The following CCDC175 variants were observed in gnomAD, a reference collection of about 807,000 sequenced individuals.
CCDC175 encodes coiled-coil domain-containing protein 175.
CCDC175 carries 100 observed loss-of-function variants against 114.6 expected under a neutral mutation model. That is an observed-to-expected ratio of 0.87 (90% CI 0.74 to 1.03). The LOEUF (loss-of-function observed/expected upper bound fraction) is 1.03, where lower values mean the gene tolerates loss of function less well. Ranked by LOEUF, CCDC175 falls within the 50% of genes least tolerant of loss-of-function variation. CCDC175 has a pLI of 0.00. For missense variants in CCDC175, 880 were observed against 917.8 expected, an observed-to-expected ratio of 0.96 and a Z score of 0.53; for synonymous variants, 306 against 308.7, an observed-to-expected ratio of 0.99 and a Z score of 0.09.
At chr14:59,537,810 G>A (rs1595023962) in intron 13 of CCDC175, among the ~76,000 whole-genome samples, 1 of 152,136 alleles carries the variant, frequency 6.6e-6, no homozygotes, top group African/African-American at 2.4e-5. Context: ...ATAATTTGAA[G>A]TGTGATTATT....
chr14:59,541,752 A>T lies in CCDC175; in HGVS notation c.1284-1006T>A, dbSNP rs181610340. Among the ~76,000 whole-genome samples, 25 of 152,312 alleles carry T rather than the reference A, an allele frequency of 1.6e-4. No individual in the cohort carries two copies. The East Asian group carries it at 3.7e-3, about 22-fold the overall frequency. ...CAACAATAATATAAAAAAATCCTAAATGGATAATAACATTGGGCCACAAAT... is the reference window on the plus strand; with the variant it reads ...CAACAATAATATAAAAAAATCCTAATTGGATAATAACATTGGGCCACAAAT... On this transcript the variant is annotated intron_variant, in intron 10 of 19. Transcript: ENST00000537690.
intron 14 of CCDC175, among the ~76,000 whole-genome samples, chr14:59,527,691 A>G (rs532030800): frequency 1.3e-5 from 2 of 151,604 alleles, no homozygotes; most frequent in South Asian, 4.2e-4. Flanking sequence ...TCAGTGTTTC[A>G]TGTACATATA....
intron 14 of CCDC175, among the ~76,000 whole-genome samples, chr14:59,530,402 C>CAG (rs201889651): frequency 5.8e-5 from 7 of 120,104 alleles, no homozygotes; most frequent in African/African-American, 2.3e-4. Flanking sequence ...AAGAAAGAGA[C>CAG]AGAGAGAGAG....
At chr14:59,517,085 C>T (rs996721052) in intron 17 of CCDC175, among the ~76,000 whole-genome samples, 5 of 152,108 alleles carry the variant, frequency 3.3e-5, no homozygotes, top group East Asian at 1.9e-4. Context: ...ATTATCTCAA[C>T]AGATGCAGAA....
At chr14:59,545,878 T>C (rs1895078088) in intron 8 of CCDC175, among the ~76,000 whole-genome samples, 1 of 152,166 alleles carries the variant, frequency 6.6e-6, no homozygotes, top group African/African-American at 2.4e-5. Context: ...AAAATATTTG[T>C]AGAAGTGTTG....
At chr14:59,505,419 T>C in intron 19 of CCDC175, 104 bp from the exon 20 acceptor site, 3 of 525,208 alleles carry the variant, frequency 5.7e-6, no homozygotes, top group Non-Finnish European at 9.5e-6. Context: ...AATCCTCAAT[T>C]GAGTAATTGT....
At position 59,574,993 on chromosome 14, in the gene CCDC175, C is replaced by T. The variant is rs1487486061; in HGVS notation, c.193G>A (p.Glu65Lys). Residue 65 changes from glutamate (E) to lysine (K), a missense_variant, in exon 2 of 20, where the codon GAA becomes AAA. Glu to Lys is a moderately conservative substitution (Grantham distance 56). Coordinates refer to ENST00000537690, the MANE Select transcript of CCDC175 (RefSeq NM_001164399.2). ...TCCTTAAGAAAGATCTTAGCTTCTTCATTACATTTAAAATAGTCACTTTGC... is the reference window on the plus strand; with the variant it reads ...TCCTTAAGAAAGATCTTAGCTTCTTTATTACATTTAAAATAGTCACTTTGC... ...SLQSDYFKCN[E>K]EAKIFLKDIA... 1 of 1,517,432 alleles carries T rather than the reference C, an allele frequency of 6.6e-7. No individual in the cohort carries two copies. Among genetic ancestry groups the T allele is most frequent in the Admixed American group, 2.1e-5 (1 of 48,776 alleles). 94.0% of individuals were successfully genotyped at this position (1,517,432 alleles called of 1,614,324 possible).
At chr14:59,536,547 A>G (rs796618101) in intron 13 of CCDC175, among the ~76,000 whole-genome samples, 15 of 150,980 alleles carry the variant, frequency 9.9e-5, no homozygotes, top group African/African-American at 3.7e-4. Flanking sequence ...AATGCTTTCC[A>G]CCCCGCCTCC....
rs1895037052 is a variant in CCDC175, at chr14:59,545,292, T to C, written c.1043A>G (p.Glu348Gly). Residue 348 changes from glutamate (E) to glycine (G), a missense_variant, in exon 9 of 20, where the codon GAA (glutamate) becomes GGA (glycine). Transcript: ENST00000537690. Reference sequence around the variant, plus strand: ...TTCCATACGAGCAGCATGCAGTGTTTCAACCAGCTAGAGAAAAACAAAGGA... The same window carrying C: ...TTCCATACGAGCAGCATGCAGTGTTCCAACCAGCTAGAGAAAAACAAAGGA... ...EFLNKIKQLV[E>G]TLHAARMEYK... The C allele has an allele frequency of 1.3e-6, 2 of 1,536,502 alleles. No homozygotes were observed. The highest frequency in any genetic ancestry group is 2.7e-5 in the African/African-American group (2 of 73,092).
intron 7 of CCDC175, among the ~76,000 whole-genome samples, chr14:59,555,928 A>T (rs1389156423): frequency 1.3e-5 from 2 of 152,222 alleles, no homozygotes; most frequent in Non-Finnish European, 2.9e-5. Flanking sequence ...GGACCTCTTC[A>T]AAGAGAACTA....
intron 15 of CCDC175, 43 bp from the exon 16 acceptor site, chr14:59,525,477 G>A: frequency 6.9e-7 from 1 of 1,451,940 alleles, no homozygotes; most frequent in Non-Finnish European, 9.2e-7. Context: ...AGTTCAAACA[G>A]TAGGGCACGA....
intron 8 of CCDC175, among the ~76,000 whole-genome samples, chr14:59,550,466 T>A (rs950061697): frequency 3.3e-5 from 5 of 152,174 alleles, no homozygotes; most frequent in Non-Finnish European, 7.3e-5. Flanking sequence ...GGGCTAAATC[T>A]GACTCAAATA....
In CCDC175 at chr14:59,506,013, A is replaced by T. The variant is rs376505264; in HGVS notation, c.2306-698T>A. Among the ~76,000 whole-genome samples, 14 of 152,290 alleles carry T rather than the reference A, an allele frequency of 9.2e-5. No individual in the cohort carries two copies. In the East Asian group the frequency reaches 2.1e-3, roughly 23 times the overall value. On this transcript the variant is annotated intron_variant, in intron 19 of 19. Coordinates refer to ENST00000537690, the MANE Select transcript of CCDC175 (RefSeq NM_001164399.2). ...TCAAAGAGGATTTTCTTTGAGCGTC[A>T]TATTGGTGCTGAAAAAGCTTTGAGT...
At chr14:59,551,915 TG>T (rs1429680515) in intron 7 of CCDC175, among the ~76,000 whole-genome samples, 1 of 151,994 alleles carries the variant, frequency 6.6e-6, no homozygotes, top group East Asian at 1.9e-4. Context: ...GCAGCGAGGC[TG>T]GGGGAGGGGC....
At chr14:59,528,613 T>C (rs1056626817) in intron 14 of CCDC175, among the ~76,000 whole-genome samples, 6 of 152,288 alleles carry the variant, frequency 3.9e-5, no homozygotes, top group African/African-American at 1.4e-4. Flanking sequence ...GTTATAGTTT[T>C]CGTTTAAATA....
rs527922937 is a variant in CCDC175 at position 59,547,498 on chromosome 14, G to A, written c.1036-2199C>T. On this transcript the variant is annotated intron_variant, in intron 8 of 19. Coordinates refer to ENST00000537690, the MANE Select transcript of CCDC175 (RefSeq NM_001164399.2). ...TAAGACAATATTGTTTTAGTGTGAG[G>A]AGAGATGAATAGTTCAAATGAATAG... Among the ~76,000 whole-genome samples the A allele has an allele frequency of 4.7e-4, 72 of 152,324 alleles. 1 individual carries two copies. Among genetic ancestry groups the A allele is most frequent in the African/African-American group, 1.7e-3 (69 of 41,576 alleles).
At chr14:59,572,478 T>C (rs1382492751) in intron 3 of CCDC175, among the ~76,000 whole-genome samples, 1 of 152,228 alleles carries the variant, frequency 6.6e-6, no homozygotes, top group Non-Finnish European at 1.5e-5. Context: ...GATCCATTTA[T>C]CTATAGTCTA....
intron 6 of CCDC175, among the ~76,000 whole-genome samples, chr14:59,563,242 T>C (rs566725373): frequency 1.3e-5 from 2 of 152,308 alleles, no homozygotes; most frequent in South Asian, 2.1e-4. Context: ...CAGTAAATGT[T>C]ATCACAATTT....
intron 8 of CCDC175, among the ~76,000 whole-genome samples, chr14:59,550,274 A>C (rs1221352844): frequency 1.3e-5 from 2 of 152,108 alleles, no homozygotes; most frequent in Non-Finnish European, 2.9e-5. Flanking sequence ...TACTTATTTA[A>C]CCAAGGCCTT....
Sources: gnomAD v4.1 joint callset for allele counts (sites outside exome capture counted in the v4.1 genomes callset) on GRCh38, gnomAD v4.1.1 for gene constraint, MANE v1.5 for transcripts, NCBI Gene and HGNC (gene_info 2026-07-23, HGNC 2026-07-21) for gene names.